LARGE1: variants seen among roughly 807,000 people sequenced by gnomAD.
LARGE1 encodes the protein xylosyl- and glucuronyltransferase LARGE1.
Under a neutral mutation model 87.6 loss-of-function variants are expected in LARGE1, and 43 were observed. The observed-to-expected ratio is 0.49, with a 90% CI of 0.38 to 0.63. The LOEUF is 0.63. Ranked by LOEUF, LARGE1 falls within the 30% of genes least tolerant of loss-of-function variation. The pLI is 0.00. For missense variants in LARGE1, 802 were observed against 1,000.2 expected, an observed-to-expected ratio of 0.80 and a Z score of 2.67; for synonymous variants, 434 against 394.6, an observed-to-expected ratio of 1.10 and a Z score of -1.18.
At chr22:33,873,135 G>C (rs1391577596) in intron 1 of LARGE1, 1 of 152,402 alleles carries the variant, frequency 6.6e-6, no homozygotes, top group Middle Eastern at 3.4e-3. Flanking sequence ...CCAGCAAAAG[G>C]GAGGCCCGGG....
intron 6 of LARGE1, among the ~76,000 whole-genome samples, chr22:33,544,694 C>CA (rs1555952160): frequency 7.5e-4 from 103 of 136,578 alleles, no homozygotes; most frequent in East Asian, 1.2e-3. Context: ...AAACAACAAC[C>CA]ACAACAACAA....
intron 1 of LARGE1, among the ~76,000 whole-genome samples, chr22:33,886,379 A>G (rs1448928232): frequency 6.6e-6 from 1 of 152,170 alleles, no homozygotes; most frequent in Non-Finnish European, 1.5e-5. Flanking sequence ...TTCCTATGTT[A>G]TTTAAACATT....
In LARGE1 at chr22:33,897,970, C is replaced by T. The variant is rs145874993; in HGVS notation, c.-83+22025G>A. 4.6e-5 allele frequency among the ~76,000 whole-genome samples: 7 copies of T among 152,242 alleles called. No individual in the cohort carries two copies. The East Asian group carries it at 1.4e-3, about 29-fold the overall frequency. On this transcript the variant is annotated intron_variant, in intron 1 of 14. Transcript: ENST00000397394. ...CTTGGGAGGGTAGCTGTTTTATATT[C>T]ATCTTTAAAAAATACATTCAATGAT...
intron 7 of LARGE1, among the ~76,000 whole-genome samples, chr22:33,427,756 C>T (rs1370509487): frequency 6.6e-5 from 10 of 152,208 alleles, no homozygotes; most frequent in Non-Finnish European, 1.2e-4. Flanking sequence ...CACGTGGCTG[C>T]GCCACCACAA....
chr22:33,838,974 C>T (rs2063190355), intron 1 of LARGE1, among the ~76,000 whole-genome samples: 1 of 152,200 alleles, frequency 6.6e-6, no homozygotes, highest in Non-Finnish European at 1.5e-5. Context: ...GAAACCAATG[C>T]TTTTACCTAA....
At chr22:33,783,381 A>G (rs570980364) in intron 1 of LARGE1, among the ~76,000 whole-genome samples, 43 of 152,200 alleles carry the variant, frequency 2.8e-4, no homozygotes, top group Non-Finnish European at 5.0e-4. Flanking sequence ...CCTGGCCAAC[A>G]TGGCAAAACC....
intron 1 of LARGE1, among the ~76,000 whole-genome samples, chr22:33,796,020 C>A (rs1212436516): frequency 6.6e-6 from 1 of 150,922 alleles, no homozygotes. Flanking sequence ...AGAACATAGG[C>A]TGTGGAGCCA....
intron 9 of LARGE1, among the ~76,000 whole-genome samples, chr22:33,359,079 A>G (rs1415682373): frequency 6.6e-6 from 1 of 152,078 alleles, no homozygotes; most frequent in Non-Finnish European, 1.5e-5. Flanking sequence ...ACCCTCTAAA[A>G]CCCACTTAAT....
At chr22:33,618,001 A>G (rs2079630312) in intron 4 of LARGE1, among the ~76,000 whole-genome samples, 1 of 152,264 alleles carries the variant, frequency 6.6e-6, no homozygotes, top group Non-Finnish European at 1.5e-5. Flanking sequence ...TCATTAAAAT[A>G]TACAAGGACA....
Position 33,561,160 on chromosome 22 carries a change from C to T in LARGE1, c.787+3688G>A, listed in dbSNP as rs561926276. ...CTAGCTCAGTGCCTAGAACCTAAGA[C>T]GTGCTTAAGAAATGGTAGTTAGCTT... On this transcript the variant is annotated intron_variant, in intron 6 of 14. Transcript: ENST00000397394. Among the ~76,000 whole-genome samples, 342 of 152,294 alleles carry T rather than the reference C, an allele frequency of 2.2e-3. 2 individuals are homozygous for T. The highest frequency in any genetic ancestry group is 7.4e-3 in the African/African-American group (308 of 41,560).
chr22:33,430,189 T>G (rs904827029), intron 7 of LARGE1, among the ~76,000 whole-genome samples: 4 of 152,194 alleles, frequency 2.6e-5, no homozygotes, highest in African/African-American at 9.7e-5. Flanking sequence ...TGCTCCAATC[T>G]TCAGTTTCCT....
intron 3 of LARGE1, among the ~76,000 whole-genome samples, chr22:33,628,468 T>C (rs2413197): frequency 0.19 from 29,228 of 151,850 alleles, 4,862 homozygotes; most frequent in African/African-American, 0.46. Context: ...AAGCACCCAC[T>C]ACTACGTCCA....
At chr22:33,739,550 T>C (rs1177710517) in intron 2 of LARGE1, among the ~76,000 whole-genome samples, 1 of 152,218 alleles carries the variant, frequency 6.6e-6, no homozygotes, top group African/African-American at 2.4e-5. Flanking sequence ...CTCCCTCTCC[T>C]GACAGTGGTC....
chr22:33,239,863 A>G (rs5754494), intron 11 of LARGE1, among the ~76,000 whole-genome samples: 89,589 of 151,918 alleles, frequency 0.59, 26,673 homozygotes, highest in African/African-American at 0.64. Context: ...TATGCTTTGC[A>G]TTTTCTTTTA....
intron 7 of LARGE1, among the ~76,000 whole-genome samples, chr22:33,420,956 G>A (rs1371497588): frequency 1.4e-4 from 22 of 152,092 alleles, no homozygotes; most frequent in Admixed American, 1.4e-3. Context: ...GGGAGGCCGA[G>A]GGGGGTGAAT....
intron 7 of LARGE1, among the ~76,000 whole-genome samples, chr22:33,417,763 G>A (rs954044769): frequency 1.3e-5 from 2 of 152,252 alleles, no homozygotes; most frequent in South Asian, 2.1e-4. Context: ...TATGTAGGAC[G>A]GAGGTCCCCA....
chr22:33,103,830 G>A, the LARGE1 span, among the ~76,000 whole-genome samples: 1 of 152,088 alleles, frequency 6.6e-6, no homozygotes, highest in South Asian at 2.1e-4. Flanking sequence ...GAATCATGGG[G>A]GTGGTTTCCC....
intron 2 of LARGE1, among the ~76,000 whole-genome samples, chr22:33,699,125 T>C (rs560810609): frequency 1.1e-4 from 17 of 152,336 alleles, no homozygotes; most frequent in African/African-American, 4.1e-4. Context: ...AAACCCATGA[T>C]GGTGAAAACA....
At chr22:33,225,306 T>G (rs1052090399) in intron 11 of LARGE1, among the ~76,000 whole-genome samples, 7 of 152,146 alleles carry the variant, frequency 4.6e-5, no homozygotes, top group African/African-American at 9.7e-5. Flanking sequence ...TAGTTCTGGG[T>G]GCCTTGGGAG....
Sources: gnomAD v4.1 joint callset for allele counts (sites outside exome capture counted in the v4.1 genomes callset) on GRCh38, gnomAD v4.1.1 for gene constraint, MANE v1.5 for transcripts, NCBI Gene and HGNC (gene_info 2026-07-23, HGNC 2026-07-21) for gene names.